Variants in RGS6 observed in about 807,000 individuals in gnomAD.
RGS6 encodes the protein regulator of G-protein signaling 6.
In RGS6, 30 loss-of-function variants were observed where a neutral mutation model predicts 78.5. The observed-to-expected ratio is 0.38, with a 90% confidence interval of 0.29 to 0.52. The LOEUF (loss-of-function observed/expected upper bound fraction) is 0.52, where lower values mean the gene tolerates loss of function less well. Among genes scored for constraint, RGS6 ranks in the 20% least tolerant of loss-of-function variants. RGS6 has a pLI of 0.85. For synonymous variants in RGS6, 206 were observed against 206.0 expected (o/e 1.00, Z 0.00); for missense variants, 495 against 609.7 (o/e 0.81, Z 1.98).
intron 3 of RGS6, among the ~76,000 whole-genome samples, chr14:72,361,083 CT>C (rs56251149): frequency 0.018 from 2,471 of 138,364 alleles, 26 homozygotes; most frequent in Middle Eastern, 0.033. Context: ...AATCAAACCT[CT>C]TTTTTTTTTT....
chr14:71,933,564 C>G lies in RGS6; in HGVS notation c.-21+623C>G, dbSNP rs183999208. Among the ~76,000 whole-genome samples the G allele has an allele frequency of 6.0e-3, 909 of 152,228 alleles. 32 individuals are homozygous for G. The highest frequency in any genetic ancestry group is 0.054 in the Admixed American group (824 of 15,280). ...ACCAGCAGGCTGCGTAAAGAAGTGGCCCAGTGAGACAGGGAAAGTGACCCA... is the reference window on the plus strand; with the variant it reads ...ACCAGCAGGCTGCGTAAAGAAGTGGGCCAGTGAGACAGGGAAAGTGACCCA... On this transcript the variant is annotated intron_variant, in intron 1 of 17. Coordinates refer to ENST00000553525, the MANE Select transcript of RGS6 (RefSeq NM_001204424.2).
At chr14:72,466,015 A>G (rs2095901370) in intron 7 of RGS6, among the ~76,000 whole-genome samples, 193 bp downstream of exon 7, 1 of 152,142 alleles carries the variant, frequency 6.6e-6, no homozygotes, top group South Asian at 2.1e-4. Flanking sequence ...TTTTTACATA[A>G]ATAACTCTTA....
At chr14:72,166,367 A>G (rs566067221) in intron 2 of RGS6, among the ~76,000 whole-genome samples, 48 of 152,350 alleles carry the variant, frequency 3.2e-4, no homozygotes, top group Non-Finnish European at 5.6e-4. Context: ...TTAATCCTGA[A>G]TACAGACTAG....
the RGS6 span, among the ~76,000 whole-genome samples, chr14:72,610,304 G>A: frequency 6.6e-6 from 1 of 152,166 alleles, no homozygotes; most frequent in Non-Finnish European, 1.5e-5. Flanking sequence ...GCTTCCTCGT[G>A]GAGCAGCAGG....
intron 2 of RGS6, among the ~76,000 whole-genome samples, chr14:72,016,038 A>G (rs1250930992): frequency 1.3e-5 from 2 of 152,226 alleles, no homozygotes; most frequent in Non-Finnish European, 2.9e-5. Flanking sequence ...CTAATTAAAC[A>G]GCCGTGCTAA....
chr14:72,094,908 AGGG>A (rs1269198241), intron 2 of RGS6, among the ~76,000 whole-genome samples: 2 of 152,124 alleles, frequency 1.3e-5, no homozygotes, highest in African/African-American at 4.8e-5. Flanking sequence ...ACAACAAGCA[AGGG>A]GGGAGAAACA....
intron 3 of RGS6, among the ~76,000 whole-genome samples, chr14:72,368,775 A>C (rs76239257): frequency 0.095 from 14,472 of 152,292 alleles, 737 homozygotes; most frequent in East Asian, 0.18. Context: ...AACTTTAAAA[A>C]TGCCTCAAAA....
intron 13 of RGS6, among the ~76,000 whole-genome samples, chr14:72,502,492 G>A (rs11621367): frequency 0.021 from 3,149 of 152,280 alleles, 41 homozygotes; most frequent in Non-Finnish European, 0.031. Context: ...TGGGCCAGGC[G>A]CGGTGACTTA....
chr14:72,604,287 G>A, the RGS6 span, among the ~76,000 whole-genome samples: 5 of 152,118 alleles, frequency 3.3e-5, no homozygotes, highest in East Asian at 1.9e-4. Context: ...AAACGGAGGC[G>A]GGTTTGTTCA....
In RGS6 at chr14:71,967,189, G is replaced by GTATATATATATATATATATATATATA. The variant is rs10571406; in HGVS notation, c.84+2335_84+2336insATATATATATATATATATATATATAT. On this transcript the variant is annotated intron_variant, in intron 2 of 17. Transcript: ENST00000553525. ...TTCGTGTGACAAACTTGTGTAAAGA[G>GTATATATATATATATATATATATATA]TATATATATATATATATATATGTTC... Among the ~76,000 whole-genome samples the GTATATATATATATATATATATATATA allele has an allele frequency of 8.0e-4, 117 of 145,790 alleles. 1 individual carries two copies. Among genetic ancestry groups the GTATATATATATATATATATATATATA allele is most frequent in the African/African-American group, 2.9e-3 (111 of 38,810 alleles).
At chr14:72,409,546 C>T (rs1349766660) in intron 3 of RGS6, among the ~76,000 whole-genome samples, 4 of 151,118 alleles carry the variant, frequency 2.6e-5, no homozygotes, top group Admixed American at 6.6e-5. Context: ...TACAAAGTGG[C>T]AACTGCCTAT....
intron 2 of RGS6, among the ~76,000 whole-genome samples, chr14:72,342,799 A>T (rs2077291945): frequency 6.6e-6 from 1 of 151,166 alleles, no homozygotes; most frequent in Non-Finnish European, 1.5e-5. Flanking sequence ...TCCCAGAGAG[A>T]TCAAAAAAAA....
chr14:72,050,442 G>A (rs1225387207), intron 2 of RGS6, among the ~76,000 whole-genome samples: 1 of 152,008 alleles, frequency 6.6e-6, no homozygotes, highest in African/African-American at 2.4e-5. Context: ...CTTATTATAG[G>A]TGATAAAATG....
chr14:72,191,639 A>G (rs1253633925), intron 2 of RGS6, among the ~76,000 whole-genome samples: 4 of 152,200 alleles, frequency 2.6e-5, no homozygotes, highest in Non-Finnish European at 5.9e-5. Context: ...CGAGAACAGC[A>G]TGGGCAAGAC....
chr14:72,381,220 G>T (rs2086002962), intron 3 of RGS6, among the ~76,000 whole-genome samples: 1 of 151,984 alleles, frequency 6.6e-6, no homozygotes, highest in South Asian at 2.1e-4. Flanking sequence ...ATAGAAGTAA[G>T]TTCTAGTGCT....
rs1261880578 is a variant in RGS6, at chr14:72,410,241, T to G, written c.185-44287T>G. Among the ~76,000 whole-genome samples the G allele has an allele frequency of 3.3e-5, 5 of 152,238 alleles. No individual in the cohort carries two copies. The East Asian group carries it at 9.6e-4, about 29-fold the overall frequency. On this transcript the variant is annotated intron_variant, in intron 3 of 17. Coordinates refer to ENST00000553525, the MANE Select transcript of RGS6 (RefSeq NM_001204424.2). ...CCAGCACCTGTTGTTTCCTGACTTT[T>G]TAATGATTGCCATTCTAACTGGTGT...
chr14:72,047,772 G>C (rs1430080142), intron 2 of RGS6, among the ~76,000 whole-genome samples: 1 of 152,034 alleles, frequency 6.6e-6, no homozygotes, highest in South Asian at 2.1e-4. Context: ...TTGTCACCCA[G>C]GCTGGACTGC....
At chr14:72,367,981 T>C (rs955310258) in intron 3 of RGS6, among the ~76,000 whole-genome samples, 3 of 152,390 alleles carry the variant, frequency 2.0e-5, no homozygotes, top group Middle Eastern at 3.4e-3. Context: ...TTTCTCACGA[T>C]GTTCTAACTG....
chr14:72,324,464 G>A (rs989601303), intron 2 of RGS6, among the ~76,000 whole-genome samples: 7 of 151,864 alleles, frequency 4.6e-5, no homozygotes, highest in East Asian at 1.9e-4. Context: ...ACATTAACTC[G>A]CCATTTACAT....
Sources: gnomAD v4.1 joint callset for allele counts (sites outside exome capture counted in the v4.1 genomes callset) on GRCh38, gnomAD v4.1.1 for gene constraint, MANE v1.5 for transcripts, NCBI Gene and HGNC (gene_info 2026-07-23, HGNC 2026-07-21) for gene names.